Variants in PRRX2 observed in about 807,000 individuals in gnomAD.
PRRX2 encodes paired mesoderm homeobox protein 2.
PRRX2 carries 11 observed loss-of-function variants against 18.0 expected under a neutral mutation model. The observed-to-expected ratio is 0.61, with a 90% confidence interval of 0.39 to 1.01. PRRX2 has a LOEUF of 1.01. PRRX2 is among the 50% of genes least tolerant of loss of function. The pLI is 0.01. For missense variants in PRRX2, 387 were observed against 351.0 expected (o/e 1.10, Z -0.82); for synonymous variants, 177 against 154.8 (o/e 1.14, Z -1.06).
At chr9:129,680,262 G>A (rs1832209585) in intron 1 of PRRX2, among the ~76,000 whole-genome samples, 1 of 151,872 alleles carries the variant, frequency 6.6e-6, no homozygotes, top group African/African-American at 2.4e-5. Context: ...TTAGCTGGGC[G>A]TGGTGGCGTG....
At chr9:129,718,258 C>CT (rs1832740208) in intron 1 of PRRX2, among the ~76,000 whole-genome samples, 1 of 152,130 alleles carries the variant, frequency 6.6e-6, no homozygotes, top group Admixed American at 6.5e-5. Flanking sequence ...CCCTCACTCT[C>CT]TAACTGATTG....
intron 1 of PRRX2, among the ~76,000 whole-genome samples, chr9:129,690,829 T>C (rs1832351964): frequency 1.3e-5 from 2 of 151,338 alleles, no homozygotes; most frequent in African/African-American, 4.9e-5. Context: ...AACTCTCAAA[T>C]GGGCTCTACA....
chr9:129,676,534 G>A (rs1239556103), intron 1 of PRRX2, among the ~76,000 whole-genome samples: 1 of 152,184 alleles, frequency 6.6e-6, no homozygotes, highest in African/African-American at 2.4e-5. Context: ...AGGGGGTGGA[G>A]AAGCCAGAGC....
chr9:129,707,502 A>G (rs1022420143), intron 1 of PRRX2, among the ~76,000 whole-genome samples: 2 of 152,070 alleles, frequency 1.3e-5, no homozygotes, highest in African/African-American at 2.4e-5. Flanking sequence ...TAATGCTGCT[A>G]TGGCCGGGCG....
intron 1 of PRRX2, among the ~76,000 whole-genome samples, chr9:129,678,585 A>T (rs1381973645): frequency 1.3e-5 from 2 of 152,180 alleles, no homozygotes; most frequent in South Asian, 2.1e-4. Context: ...CAGGGAGGGC[A>T]CGCCGGGTGG....
chr9:129,665,679 T>C lies in PRRX2; in HGVS notation c.-189T>C. The stretch of plus-strand genomic sequence containing the variant: ...CCAGCGGCTCCGGAGCGAGCGGCCG[T>C]GGCTGAGAAGGGGAGGGCGGAAAGT... On this transcript the variant is annotated 5_prime_UTR_variant, in exon 1 of 4. Coordinates refer to ENST00000372469, the MANE Select transcript of PRRX2 (RefSeq NM_016307.4). The surrounding 1 kb of genome is among the most constrained non-coding windows in gnomAD (Gnocchi z 5.3). The C allele has an allele frequency of 4.1e-6, 1 of 245,794 alleles. No homozygotes were observed. Among genetic ancestry groups the C allele is most frequent in the Non-Finnish European group, 6.6e-6 (1 of 151,730 alleles). The allele number at this position is 245,794 out of a possible 1,614,324, so 15.2% of individuals were successfully genotyped here. A position where few individuals can be genotyped will look rare whatever the true frequency, so the allele number is the denominator to read the frequency against.
At chr9:129,716,319 C>G (rs1279840003) in intron 1 of PRRX2, among the ~76,000 whole-genome samples, 1 of 152,186 alleles carries the variant, frequency 6.6e-6, no homozygotes, top group Non-Finnish European at 1.5e-5. Flanking sequence ...TGAATAAACA[C>G]AGCAGAGTCA....
chr9:129,707,110 G>T (rs867526393), intron 1 of PRRX2, among the ~76,000 whole-genome samples: 3 of 151,198 alleles, frequency 2.0e-5, no homozygotes, highest in Non-Finnish European at 3.0e-5. Context: ...ACAAAAATTA[G>T]CCAGGCATGG....
At chr9:129,716,447 T>C (rs1038127923) in intron 1 of PRRX2, among the ~76,000 whole-genome samples, 3 of 147,170 alleles carry the variant, frequency 2.0e-5, no homozygotes, top group Non-Finnish European at 4.4e-5. Context: ...CATACTATGC[T>C]TTCTTTCTTT....
intron 1 of PRRX2, among the ~76,000 whole-genome samples, chr9:129,704,666 G>C (rs369196375): frequency 3.0e-4 from 46 of 152,274 alleles, no homozygotes; most frequent in African/African-American, 1.0e-3. Flanking sequence ...GCCCCTCCAG[G>C]CCTCAGTTTT....
chr9:129,678,033 G>T (rs550996445), intron 1 of PRRX2, among the ~76,000 whole-genome samples: 1 of 145,286 alleles, frequency 6.9e-6, no homozygotes, highest in Admixed American at 7.1e-5. Flanking sequence ...GCGCAATCTC[G>T]GCTCGCTACA....
intron 1 of PRRX2, among the ~76,000 whole-genome samples, chr9:129,674,750 G>A (rs1028177461): frequency 2.6e-5 from 4 of 152,126 alleles, no homozygotes; most frequent in South Asian, 2.1e-4. Context: ...TTCCTGCCTC[G>A]CCTTGCCCAG....
At chr9:129,669,346 G>A (rs12343788) in intron 1 of PRRX2, among the ~76,000 whole-genome samples, 21,296 of 152,242 alleles carry the variant, frequency 0.14, 1,776 homozygotes, top group South Asian at 0.21. Context: ...GCTGCACCAG[G>A]CACGTTAGGA....
chr9:129,714,536 A>AT (rs1832678752), intron 1 of PRRX2, among the ~76,000 whole-genome samples: 2 of 152,178 alleles, frequency 1.3e-5, no homozygotes, highest in African/African-American at 4.8e-5. Flanking sequence ...GGCTGAGCGC[A>AT]TCCCATCACA....
Position 129,692,423 on chromosome 9 carries a change from T to C in PRRX2, c.259+26297T>C, listed in dbSNP as rs533542137. ...ACATACCATCATCACTCAAAGTCCA[T>C]AGTGTACATTGGGGTTCCCTCTTGG... On this transcript the variant is annotated intron_variant, in intron 1 of 3. Coordinates refer to ENST00000372469, the MANE Select transcript of PRRX2 (RefSeq NM_016307.4). Among the ~76,000 whole-genome samples, 7 of 141,286 alleles carry C rather than the reference T, an allele frequency of 5.0e-5. No homozygotes were observed. The South Asian group carries it at 1.5e-3, about 31-fold the overall frequency. The allele number at this position is 141,286 out of a possible 152,430, so 92.7% of individuals were successfully genotyped here. A position where few individuals can be genotyped will look rare whatever the true frequency, so the allele number is the denominator to read the frequency against.
chr9:129,666,169 CG>C, intron 1 of PRRX2, 43 bp downstream of exon 1: 1 of 715,238 alleles, frequency 1.4e-6, no homozygotes, highest in Non-Finnish European at 1.7e-6. Context: ...GGGCCGGGGC[CG>C]GGGCCGGGGC....
chr9:129,720,984 T>A (rs1279998640), intron 3 of PRRX2, among the ~76,000 whole-genome samples: 1 of 150,014 alleles, frequency 6.7e-6, no homozygotes, highest in Non-Finnish European at 1.5e-5. Context: ...AGAGTTGGCA[T>A]GTGTGTGTGT....
rs758869156 is a variant in PRRX2, at chr9:129,665,946, G to A, written c.79G>A (p.Gly27Arg). 3 of 1,132,062 alleles carry A rather than the reference G, an allele frequency of 2.7e-6. No individual in the cohort carries two copies. The South Asian group carries it at 7.1e-5, about 27-fold the overall frequency. The allele number at this position is 1,132,062 out of a possible 1,614,324, so 70.1% of individuals were successfully genotyped here. A position where few individuals can be genotyped will look rare whatever the true frequency, so the allele number is the denominator to read the frequency against. Residue 27 changes from glycine to arginine, a missense_variant, in exon 1 of 4, where the codon GGG becomes AGG. Transcript: ENST00000372469. The surrounding 1 kb of genome is among the most constrained non-coding windows in gnomAD (Gnocchi z 5.3). ...GCCGCCGCCGCCTCCACCCGCGCTG[G>A]GGCCCGGCGACTGCGCCCAGGCGCG... ...PGPPPPPPAL[G>R]PGDCAQARKN...
intron 1 of PRRX2, among the ~76,000 whole-genome samples, chr9:129,717,035 T>A (rs193193003): frequency 2.0e-5 from 3 of 152,170 alleles, no homozygotes; most frequent in Admixed American, 2.0e-4. Flanking sequence ...ATTTTATTTT[T>A]AAATTTTATT....
Sources: gnomAD v4.1 joint callset for allele counts (sites outside exome capture counted in the v4.1 genomes callset) on GRCh38, gnomAD v4.1.1 for gene constraint, Gnocchi (gnomAD v3.1) non-coding constraint, MANE v1.5 for transcripts, NCBI Gene and HGNC (gene_info 2026-07-23, HGNC 2026-07-21) for gene names.